CADM2: variants seen among roughly 807,000 people sequenced by gnomAD.
CADM2 encodes the protein cell adhesion molecule 2.
In CADM2, 12 loss-of-function variants were observed where a neutral mutation model predicts 49.8. That is an observed-to-expected ratio of 0.24 (90% CI 0.15 to 0.39). The LOEUF (loss-of-function observed/expected upper bound fraction) is 0.39, where lower values mean the gene tolerates loss of function less well. CADM2 is among the 10% of genes least tolerant of loss of function. The pLI is 1.00. For missense variants in CADM2, 378 were observed against 492.3 expected (o/e 0.77, Z 2.20); for synonymous variants, 214 against 175.4 (o/e 1.22, Z -1.74).
chr3:85,617,496 A>G (rs1171194013), intron 1 of CADM2, among the ~76,000 whole-genome samples: 2 of 152,104 alleles, frequency 1.3e-5, no homozygotes, highest in East Asian at 1.9e-4. Context: ...TCTTCTTGCA[A>G]TCCTCCATGT....
intron 6 of CADM2, among the ~76,000 whole-genome samples, chr3:85,918,017 G>A (rs889308356): frequency 5.9e-5 from 9 of 152,108 alleles, no homozygotes; most frequent in African/African-American, 1.2e-4. Flanking sequence ...TTGATTTTGT[G>A]TCCTGAGACT....
intron 1 of CADM2, among the ~76,000 whole-genome samples, chr3:85,552,087 G>C (rs1576784584): frequency 6.6e-6 from 1 of 151,858 alleles, no homozygotes; most frequent in Admixed American, 6.6e-5. Flanking sequence ...GTAGAAAAGG[G>C]GCCTGGCTAA....
chr3:85,496,977 G>A (rs1238277417), intron 1 of CADM2, among the ~76,000 whole-genome samples: 2 of 152,128 alleles, frequency 1.3e-5, no homozygotes, highest in African/African-American at 4.8e-5. Context: ...CCAAGTAGCT[G>A]GGATTACAGG....
chr3:85,942,412 C>T (rs1186691596), intron 7 of CADM2, among the ~76,000 whole-genome samples: 1 of 151,638 alleles, frequency 6.6e-6, no homozygotes, highest in Non-Finnish European at 1.5e-5. Flanking sequence ...TATAAATGTG[C>T]CATGCTGGTG....
At chr3:84,979,399 A>G (rs1192472338) in intron 1 of CADM2, among the ~76,000 whole-genome samples, 1 of 152,092 alleles carries the variant, frequency 6.6e-6, no homozygotes, top group Non-Finnish European at 1.5e-5. Flanking sequence ...TTATTGTTAC[A>G]TGATTCCATT....
In CADM2 at chr3:85,090,071, G is replaced by C. The variant is rs188017908; in HGVS notation, c.61+130403G>C. ...ATAATATTGAAATTATGTTTAAATG[G>C]AATCAGAAGAAATTTACATCCAGTA... On this transcript the variant is annotated intron_variant, in intron 1 of 9. Coordinates refer to ENST00000383699, the MANE Select transcript of CADM2 (RefSeq NM_001167675.2). Among the ~76,000 whole-genome samples the C allele has an allele frequency of 6.3e-3, 961 of 151,766 alleles. 11 individuals are homozygous for C. Among genetic ancestry groups the C allele is most frequent in the African/African-American group, 0.021 (864 of 41,378 alleles).
intron 1 of CADM2, among the ~76,000 whole-genome samples, chr3:85,296,705 A>G (rs901052114): frequency 4.6e-5 from 7 of 152,114 alleles, no homozygotes; most frequent in Non-Finnish European, 8.8e-5. Flanking sequence ...ATTCCCTTTT[A>G]TTTCTAAGAT....
intron 1 of CADM2, among the ~76,000 whole-genome samples, chr3:85,449,952 A>G (rs1053322302): frequency 3.3e-5 from 5 of 152,142 alleles, no homozygotes; most frequent in Non-Finnish European, 7.4e-5. Context: ...CCTATGGATT[A>G]ATTTTCAAAT....
intron 1 of CADM2, among the ~76,000 whole-genome samples, chr3:85,359,666 A>ATATATATATTTTTTTTTTTT: frequency 1.5e-4 from 4 of 26,550 alleles, no homozygotes; most frequent in African/African-American, 4.3e-4. Flanking sequence ...ATATATATAT[A>ATATATATATTTTTTTTTTTT]TTTTTTTTTT....
chr3:85,447,611 A>G (rs2037530310), intron 1 of CADM2, among the ~76,000 whole-genome samples: 1 of 152,168 alleles, frequency 6.6e-6, no homozygotes, highest in Non-Finnish European at 1.5e-5. Flanking sequence ...GCTACAAAAA[A>G]TTGCCTAAGC....
At chr3:85,248,805 A>T (rs1369780982) in intron 1 of CADM2, among the ~76,000 whole-genome samples, 1 of 152,154 alleles carries the variant, frequency 6.6e-6, no homozygotes, top group Non-Finnish European at 1.5e-5. Context: ...GTTTCATAAA[A>T]ACTTGCTTCA....
rs116230722 is a variant in CADM2, at chr3:85,492,922, T to G, written c.62-233600T>G. On this transcript the variant is annotated intron_variant, in intron 1 of 9. Coordinates refer to ENST00000383699, the MANE Select transcript of CADM2 (RefSeq NM_001167675.2). ...TTTGGGCTCATACTTTGCCTGGTAC[T>G]AGACTGTTTATATTTTTATAACTCG... Among the ~76,000 whole-genome samples the G allele has an allele frequency of 8.6e-3, 1,303 of 152,240 alleles. 8 individuals are homozygous for G. Among genetic ancestry groups the G allele is most frequent in the Admixed American group, 0.013 (200 of 15,286 alleles).
At chr3:85,045,050 G>C (rs375738886) in intron 1 of CADM2, among the ~76,000 whole-genome samples, 1 of 152,056 alleles carries the variant, frequency 6.6e-6, no homozygotes, top group South Asian at 2.1e-4. Context: ...CGTTAGCCTC[G>C]ATTGTTTATT....
At chr3:85,764,002 A>C (rs997395974) in intron 2 of CADM2, among the ~76,000 whole-genome samples, 1 of 152,122 alleles carries the variant, frequency 6.6e-6, no homozygotes, top group East Asian at 1.9e-4. Context: ...ATTTGGTACG[A>C]TTTTATAATT....
At chr3:85,359,111 G>T (rs933453015) in intron 1 of CADM2, among the ~76,000 whole-genome samples, 2 of 152,094 alleles carry the variant, frequency 1.3e-5, no homozygotes, top group African/African-American at 4.8e-5. Context: ...TGGGTGTTAG[G>T]CTTGACTGAG....
chr3:85,829,780 C>T (rs996055583), intron 3 of CADM2, among the ~76,000 whole-genome samples: 5 of 151,970 alleles, frequency 3.3e-5, no homozygotes, highest in Admixed American at 2.0e-4. Flanking sequence ...TGCCTTTCTG[C>T]GCTTGACTTA....
intron 3 of CADM2, among the ~76,000 whole-genome samples, chr3:85,855,363 T>C (rs1273326136): frequency 6.6e-6 from 1 of 151,960 alleles, no homozygotes; most frequent in Non-Finnish European, 1.5e-5. Context: ...AATATGCATG[T>C]CATTACACAC....
intron 8 of CADM2, among the ~76,000 whole-genome samples, chr3:85,980,309 T>A (rs1046085397): frequency 6.6e-6 from 1 of 151,538 alleles, no homozygotes; most frequent in African/African-American, 2.4e-5. Context: ...GTTGTTCAGT[T>A]AGATGGTTTT....
chr3:86,028,852 CA>C (rs1734232893), intron 8 of CADM2, among the ~76,000 whole-genome samples: 1 of 152,132 alleles, frequency 6.6e-6, no homozygotes, highest in African/African-American at 2.4e-5. Flanking sequence ...TTAAATTATG[CA>C]GTGCACTTAT....
Sources: allele counts gnomAD v4.1 joint callset (sites outside exome capture counted in the v4.1 genomes callset), GRCh38; gene constraint gnomAD v4.1.1; transcripts MANE v1.5; gene names NCBI Gene and HGNC (gene_info 2026-07-23, HGNC 2026-07-21).